The following LSP1 variants were observed in gnomAD, a reference collection of about 807,000 sequenced individuals.
LSP1 encodes the protein lymphocyte-specific protein 1.
A neutral mutation model predicts 49.3 loss-of-function variants in LSP1; 32 were observed. The observed-to-expected ratio is 0.65, with a 90% CI of 0.49 to 0.87. The LOEUF (loss-of-function observed/expected upper bound fraction) is 0.87, where lower values mean the gene tolerates loss of function less well. Among genes scored for constraint, LSP1 ranks in the 40% least tolerant of loss-of-function variants. The pLI is 0.00. For missense variants in LSP1, 428 were observed against 442.6 expected (o/e 0.97, Z 0.30); for synonymous variants, 179 against 178.8 (o/e 1.00, Z -0.01).
intron 1 of LSP1, chr11:1,866,922 C>A: frequency 6.7e-7 from 1 of 1,497,622 alleles, no homozygotes; most frequent in South Asian, 1.3e-5. Context: ...GTGAGCAAGC[C>A]GCACTCAGGA....
chr11:1,864,227 C>T (rs923572314), intron 1 of LSP1: 47 of 986,874 alleles, frequency 4.8e-5, no homozygotes, highest in Non-Finnish European at 5.5e-5. Context: ...TCCAGGCCTG[C>T]GATGATGGTG....
At chr11:1,876,966 C>A (rs1444980850) in intron 1 of LSP1, among the ~76,000 whole-genome samples, 1 of 152,178 alleles carries the variant, frequency 6.6e-6, no homozygotes, top group Non-Finnish European at 1.5e-5. Context: ...ACCGCCTGGC[C>A]CCTTGGGCTG....
chr11:1,879,968 C>T (rs558931717), intron 1 of LSP1, 119 bp from the exon 2 acceptor site: 18 of 1,267,808 alleles, frequency 1.4e-5, no homozygotes, highest in Admixed American at 2.3e-5. Context: ...GGACTGACCT[C>T]GTGGACAGGG....
chr11:1,873,751 A>G (rs886158743), intron 1 of LSP1, among the ~76,000 whole-genome samples: 2 of 151,988 alleles, frequency 1.3e-5, no homozygotes, highest in Non-Finnish European at 2.9e-5. Flanking sequence ...AGTCTGGGCT[A>G]GTCTGGTGGT....
At chr11:1,878,742 C>A (rs1185840160) in intron 1 of LSP1, among the ~76,000 whole-genome samples, 1 of 152,176 alleles carries the variant, frequency 6.6e-6, no homozygotes, top group African/African-American at 2.4e-5. Flanking sequence ...GAGACCCCAG[C>A]CCTGCTCCCT....
intron 1 of LSP1, chr11:1,866,883 A>AGCGGGCCCAGCACCAACT: frequency 6.5e-7 from 1 of 1,531,400 alleles, no homozygotes; most frequent in Admixed American, 2.0e-5. Flanking sequence ...GCATCCGTCC[A>AGCGGGCCCAGCACCAACT]GCGGGCCCAG....
intron 1 of LSP1, among the ~76,000 whole-genome samples, chr11:1,872,124 G>A (rs1271921211): frequency 1.4e-5 from 2 of 145,106 alleles, no homozygotes; most frequent in Non-Finnish European, 1.5e-5. Context: ...GGGTGTGTGT[G>A]GCGGGCAGGC....
chr11:1,858,609 G>A (rs557805714), intron 1 of LSP1, among the ~76,000 whole-genome samples: 8 of 152,218 alleles, frequency 5.3e-5, no homozygotes, highest in Non-Finnish European at 1.2e-4. Context: ...GGCTGTGGAC[G>A]AGGCTGTATT....
intron 1 of LSP1, among the ~76,000 whole-genome samples, chr11:1,873,564 GGAA>G (rs1422819689): frequency 6.6e-6 from 1 of 151,420 alleles, no homozygotes; most frequent in African/African-American, 2.4e-5. Context: ...GAGGGAGGAG[GGAA>G]GAAGGAAGAG....
At chr11:1,860,295 T>TGATGGATGGATG (rs55925827) in intron 1 of LSP1, among the ~76,000 whole-genome samples, 91,114 of 150,962 alleles carry the variant, frequency 0.6, 27,789 homozygotes, top group East Asian at 0.77. Context: ...GATAATTGAA[T>TGATGGATGGATG]GATGGATGGA....
intron 1 of LSP1, among the ~76,000 whole-genome samples, chr11:1,856,789 C>T (rs567855574): frequency 1.3e-4 from 20 of 152,342 alleles, no homozygotes; most frequent in South Asian, 6.2e-4. Context: ...ACCTGCCCTC[C>T]GAGCCAAGGC....
chr11:1,876,600 C>T (rs1189181995), intron 1 of LSP1: 4 of 985,388 alleles, frequency 4.1e-6, no homozygotes, highest in East Asian at 2.3e-4. Flanking sequence ...GGACGGGGAC[C>T]GAGCCGGACA....
In LSP1 at chr11:1,889,361, C is replaced by G. The variant is rs772544100; in HGVS notation, c.*13+1785C>G. ...GGCGCCCTTGGGCCTCCGCCACTGA[C>G]ATGCGGTACAGCACGGCATCCCACA... On this transcript the variant is annotated intron_variant, in intron 10 of 10. Coordinates refer to ENST00000311604, the MANE Select transcript of LSP1 (RefSeq NM_002339.3). 4.2e-6 allele frequency: 3 copies of G among 712,604 alleles called. No homozygotes were observed. The South Asian group carries it at 4.5e-5, about 11-fold the overall frequency. The allele number at this position is 712,604 out of a possible 1,614,324, so 44.1% of individuals were successfully genotyped here.
intron 10 of LSP1, chr11:1,890,271 G>A (rs1256852104): frequency 1.4e-6 from 1 of 713,834 alleles, no homozygotes; most frequent in Non-Finnish European, 2.6e-6. Context: ...CACCATGCGG[G>A]GAGCCTCGGC....
chr11:1,881,641 C>T, intron 3 of LSP1, 45 bp downstream of exon 3: 1 of 1,404,370 alleles, frequency 7.1e-7, no homozygotes, highest in Non-Finnish European at 9.2e-7. Flanking sequence ...AGCAGGGCTC[C>T]CTCTGGACCT....
intron 1 of LSP1, chr11:1,869,318 C>T (rs1847897036): frequency 3.3e-6 from 1 of 303,416 alleles, no homozygotes; most frequent in African/African-American, 2.2e-5. Context: ...TTGACGAGAA[C>T]AAACCCTACC....
At chr11:1,881,340 CA>C in intron 2 of LSP1, 91 bp from the exon 3 acceptor site, 1 of 1,296,794 alleles carries the variant, frequency 7.7e-7, no homozygotes, top group South Asian at 1.5e-5. Flanking sequence ...ACTTGGAGTC[CA>C]GGGCCTGAGC....
chr11:1,890,155 C>T, intron 10 of LSP1: 1 of 717,096 alleles, frequency 1.4e-6, no homozygotes, highest in African/African-American at 1.7e-5. Flanking sequence ...CTGAATTGAG[C>T]AGCTAGAATC....
At chr11:1,869,668 G>C (rs777528407) in intron 1 of LSP1, 2 of 459,928 alleles carry the variant, frequency 4.3e-6, no homozygotes, top group Non-Finnish European at 8.8e-6. Flanking sequence ...CTCCAAAGAC[G>C]GGCGGTAGGA....
Sources: allele counts gnomAD v4.1 joint callset (sites outside exome capture counted in the v4.1 genomes callset), GRCh38; gene constraint gnomAD v4.1.1; transcripts MANE v1.5; gene names NCBI Gene and HGNC (gene_info 2026-07-23, HGNC 2026-07-21).